The following GLI3 variants were observed in gnomAD, a reference collection of about 807,000 sequenced individuals.
The protein encoded by GLI3 is GLI family zinc finger 3.
A neutral mutation model predicts 100.8 loss-of-function variants in GLI3; 20 were observed. The observed-to-expected ratio is 0.20, with a 90% CI of 0.14 to 0.29. The LOEUF (loss-of-function observed/expected upper bound fraction) is 0.29, where lower values mean the gene tolerates loss of function less well. Among genes scored for constraint, GLI3 ranks in the 10% least tolerant of loss-of-function variants. The pLI is 1.00. For synonymous variants in GLI3, 938 were observed against 860.5 expected (o/e 1.09, Z -1.58); for missense variants, 2,040 against 2,128.5 (o/e 0.96, Z 0.82).
At chr7:42,139,192 A>G (rs1786505803) in intron 3 of GLI3, among the ~76,000 whole-genome samples, 1 of 152,124 alleles carries the variant, frequency 6.6e-6, no homozygotes, top group Non-Finnish European at 1.5e-5. Flanking sequence ...TTCATTTTGA[A>G]CACTGTAAGT....
Position 41,964,971 on chromosome 7 carries a change from G to A in GLI3, c.4102C>T (p.His1368Tyr), listed in dbSNP as rs1379634152. 1 of 1,613,718 alleles carries A rather than the reference G, an allele frequency of 6.2e-7. No homozygotes were observed. The highest frequency in any genetic ancestry group is 8.5e-7 in the Non-Finnish European group (1 of 1,180,026). The change falls in exon 15 of 15, where the codon CAC becomes TAC. Residue 1368 changes from histidine (H) to tyrosine (Y), a missense_variant. Coordinates refer to ENST00000395925, the MANE Select transcript of GLI3 (RefSeq NM_000168.6). ...CTTGACGGCTGGCTGCCCATGCCGT[G>A]AGCCCCTGGCAGGCAGCTCTCTGGC... ...QGPESCLPGA[H>Y]GMGSQPSSLA... is the part of the protein sequence containing the mutation.
chr7:42,049,326 G>A (rs550881184), intron 4 of GLI3, among the ~76,000 whole-genome samples: 1 of 152,104 alleles, frequency 6.6e-6, no homozygotes, highest in Non-Finnish European at 1.5e-5. Context: ...CCAGGGCCTC[G>A]CAGTGGTAAG....
At position 41,965,037 on chromosome 7, in the gene GLI3, C is replaced by T; in HGVS notation, c.4036G>A (p.Gly1346Arg). The T allele has an allele frequency of 6.2e-7, 1 of 1,613,924 alleles. No homozygotes were observed. The highest frequency in any genetic ancestry group is 8.5e-7 in the Non-Finnish European group (1 of 1,180,024). ...GAGRPGQQML[G>R]QISATSHINI... ...ATGTGTGAGGTAGCACTAATCTGCCCAAGCATCTGCTGACCGGGGCGGCCT... is the reference window on the plus strand; with the variant it reads ...ATGTGTGAGGTAGCACTAATCTGCCTAAGCATCTGCTGACCGGGGCGGCCT... The change falls in exon 15 of 15, where the codon GGG (glycine) becomes AGG (arginine). Residue 1346 changes from glycine to arginine, a missense_variant. Gly to Arg is a moderately radical substitution (Grantham distance 125, BLOSUM62 -2). Around this residue, in one of 5 missense-constraint regions of GLI3, gnomAD observed 1,041 missense variants for 924.0 expected, o/e 1.13. Coordinates refer to ENST00000395925, the MANE Select transcript of GLI3 (RefSeq NM_000168.6).
At chr7:42,000,016 C>T (rs1157749687) in intron 10 of GLI3, among the ~76,000 whole-genome samples, 1 of 152,226 alleles carries the variant, frequency 6.6e-6, no homozygotes, top group Non-Finnish European at 1.5e-5. Flanking sequence ...GAGGGAACAT[C>T]CCACCTTCGT....
chr7:42,042,256 C>T (rs987411390), intron 6 of GLI3, among the ~76,000 whole-genome samples: 12 of 151,970 alleles, frequency 7.9e-5, no homozygotes, highest in African/African-American at 2.4e-4. Context: ...CCTTGTGATC[C>T]GCCAGTCTCG....
At chr7:42,106,568 G>T (rs995207232) in intron 3 of GLI3, among the ~76,000 whole-genome samples, 1 of 152,156 alleles carries the variant, frequency 6.6e-6, no homozygotes, top group Non-Finnish European at 1.5e-5. Flanking sequence ...CCTTCTTTTA[G>T]AATCATTTGC....
At chr7:42,038,245 C>T (rs959479431) in intron 7 of GLI3, among the ~76,000 whole-genome samples, 20 of 152,156 alleles carry the variant, frequency 1.3e-4, no homozygotes, top group Admixed American at 8.5e-4. Context: ...CATGCTTCCT[C>T]GGGGCCAGAC....
chr7:42,102,570 G>A (rs1425790117), intron 3 of GLI3, among the ~76,000 whole-genome samples: 1 of 152,248 alleles, frequency 6.6e-6, no homozygotes, highest in Non-Finnish European at 1.5e-5. Flanking sequence ...AACCTCAACA[G>A]CCCAGCCACC....
At chr7:42,090,921 A>G (rs1785203479) in intron 3 of GLI3, among the ~76,000 whole-genome samples, 1 of 152,246 alleles carries the variant, frequency 6.6e-6, no homozygotes, top group Non-Finnish European at 1.5e-5. Context: ...GGGATAGAGA[A>G]GGTAAGAAGT....
intron 4 of GLI3, among the ~76,000 whole-genome samples, chr7:42,053,642 C>G (rs1462577148): frequency 6.6e-6 from 1 of 152,190 alleles, no homozygotes; most frequent in Non-Finnish European, 1.5e-5. Flanking sequence ...CAGAAATGAA[C>G]TGAGGATCAC....
At chr7:42,008,270 C>T (rs1029441240) in intron 10 of GLI3, among the ~76,000 whole-genome samples, 5 of 152,158 alleles carry the variant, frequency 3.3e-5, no homozygotes, top group Non-Finnish European at 5.9e-5. Flanking sequence ...TATACCAAGC[C>T]TAAATCTGTC....
chr7:42,050,216 C>T (rs549485101), intron 4 of GLI3, among the ~76,000 whole-genome samples: 46 of 152,138 alleles, frequency 3.0e-4, no homozygotes, highest in African/African-American at 1.1e-3. Context: ...TACTTAGATG[C>T]TACTTTGGGA....
chr7:42,024,634 T>C (rs1041153516), intron 9 of GLI3, among the ~76,000 whole-genome samples: 2 of 152,124 alleles, frequency 1.3e-5, no homozygotes, highest in East Asian at 1.9e-4. Context: ...TGAGATGATA[T>C]TATGGGTATA....
At chr7:42,057,428 G>A (rs146861346) in intron 4 of GLI3, among the ~76,000 whole-genome samples, 1,561 of 152,262 alleles carry the variant, frequency 0.01, 8 homozygotes, top group Non-Finnish European at 0.014. Context: ...ATCAGGCATT[G>A]GGTACTTGCA....
intron 10 of GLI3, among the ~76,000 whole-genome samples, chr7:42,020,689 T>C (rs940762227): frequency 1.3e-5 from 2 of 151,974 alleles, no homozygotes; most frequent in South Asian, 4.2e-4. Flanking sequence ...AAAAAAGTAG[T>C]TTTTTCCTGG....
At chr7:42,077,858 T>TG (rs747977677) in intron 3 of GLI3, among the ~76,000 whole-genome samples, 3 of 152,170 alleles carry the variant, frequency 2.0e-5, no homozygotes, top group East Asian at 3.8e-4. Flanking sequence ...GTCCAAAACT[T>TG]GGAGGTTTGA....
Position 42,045,019 on chromosome 7 carries a change from C to G in GLI3, c.826+365G>C, listed in dbSNP as rs372859460. On this transcript the variant is annotated intron_variant, in intron 6 of 14. Transcript: ENST00000395925. Reference sequence around the variant, plus strand: ...CCTTCAGCCTCAGCCTCCTGAGTAGCAGGGACTACAGGTACATGCCACTAC... The same window carrying G: ...CCTTCAGCCTCAGCCTCCTGAGTAGGAGGGACTACAGGTACATGCCACTAC... Among the ~76,000 whole-genome samples the G allele has an allele frequency of 2.5e-4, 38 of 152,292 alleles. No homozygotes were observed. In the East Asian group the frequency reaches 4.8e-3, roughly 19 times the overall value.
chr7:42,257,233 C>A (rs543603875), intron 1 of GLI3, among the ~76,000 whole-genome samples: 2 of 152,080 alleles, frequency 1.3e-5, no homozygotes, highest in South Asian at 4.1e-4. Flanking sequence ...AATCTAGATA[C>A]CACTAAATTT....
intron 4 of GLI3, among the ~76,000 whole-genome samples, chr7:42,062,185 A>T (rs767962563): frequency 3.9e-5 from 6 of 152,142 alleles, no homozygotes; most frequent in Non-Finnish European, 7.3e-5. Context: ...TTCTACTCAC[A>T]AGGTTTAAGG....
Sources: allele counts gnomAD v4.1 joint callset (sites outside exome capture counted in the v4.1 genomes callset), GRCh38; gene constraint gnomAD v4.1.1; regional missense constraint gnomAD v4.1.1; transcripts MANE v1.5; gene names NCBI Gene and HGNC (gene_info 2026-07-23, HGNC 2026-07-21).